Variants in PAM16 observed in about 807,000 individuals in gnomAD.
PAM16 encodes the protein presequence translocase associated motor 16.
A neutral mutation model predicts 17.9 loss-of-function variants in PAM16; 11 were observed. The ratio of observed to expected loss-of-function variants is 0.62; its 90% CI spans 0.39 to 1.02. PAM16 has a LOEUF of 1.02. Ranked by LOEUF, PAM16 falls within the 50% of genes least tolerant of loss-of-function variation. PAM16 has a pLI of 0.01. For missense variants in PAM16, 199 were observed against 165.4 expected (o/e 1.20, Z -1.11); for synonymous variants, 72 against 67.4 (o/e 1.07, Z -0.34).
intron 2 of PAM16, among the ~76,000 whole-genome samples, chr16:4,341,895 C>G (rs1001275558): frequency 1.2e-4 from 19 of 152,178 alleles, no homozygotes; most frequent in African/African-American, 4.3e-4. Flanking sequence ...CCACCTGTCA[C>G]CTAGACCACC....
At position 4,341,402 on chromosome 16, in the gene PAM16, T is replaced by G. The variant is rs770957436; in HGVS notation, c.191A>C (p.Asn64Thr). ...CTCCTCAGGGCTCAGCTTGGACACG[T>G]TGAGAATCTGCTGTGCCTCCTGGAG... ...LSLQEAQQIL[N>T]VSKLSPEEVQ... Residue 64 changes from asparagine to threonine, a missense_variant, in exon 3 of 5, where the codon AAC becomes ACC. Physicochemically the swap from Asn to Thr is moderately conservative, Grantham distance 65. Transcript: ENST00000318059. 1.3e-6 allele frequency: 2 copies of G among 1,596,124 alleles called. No homozygotes were observed. Among genetic ancestry groups the G allele is most frequent in the Non-Finnish European group, 1.7e-6 (2 of 1,171,958 alleles).
rs1302944879 is a variant in PAM16 at position 4,341,520 on chromosome 16, G to A, written c.89-16C>T. 1.2e-6 allele frequency: 2 copies of A among 1,601,852 alleles called. No homozygotes were observed. Among genetic ancestry groups the A allele is most frequent in the Admixed American group, 3.4e-5 (2 of 59,286 alleles). On this transcript the variant is annotated splice_polypyrimidine_tract_variant and intron_variant, in intron 2 of 4. Coordinates refer to ENST00000318059, the MANE Select transcript of PAM16 (RefSeq NM_016069.11). ...GCCCGGCTGGCTGTGTGGACATGTG[G>A]GTGATCGCTCAGTCCTCAGCAGCCC... is the stretch of plus-strand genomic sequence containing the variant.
At chr16:4,344,128 A>T (rs2053695394) in intron 1 of PAM16, 3 of 395,166 alleles carry the variant, frequency 7.6e-6, no homozygotes, top group Non-Finnish European at 1.3e-5. Flanking sequence ...ACTCACTAAG[A>T]TGTGAGCGGA....
At chr16:4,343,621 G>C in intron 1 of PAM16, 2 of 1,321,710 alleles carry the variant, frequency 1.5e-6, no homozygotes, top group Non-Finnish European at 2.0e-6. Context: ...TGTGGTCTGG[G>C]AGCCAGAACA....
chr16:4,343,363 C>G, intron 1 of PAM16, 72 bp from the exon 2 acceptor site: 1 of 1,536,758 alleles, frequency 6.5e-7, no homozygotes, highest in Non-Finnish European at 8.8e-7. Context: ...CTGGAAACGG[C>G]TGCCGAGGGG....
intron 1 of PAM16, among the ~76,000 whole-genome samples, chr16:4,349,998 T>C (rs1041009350): frequency 1.1e-4 from 16 of 152,114 alleles, no homozygotes; most frequent in African/African-American, 3.9e-4. Context: ...TGTTACATTA[T>C]CCTTATTACT....
chr16:4,342,964 A>G (rs958600671), intron 2 of PAM16, among the ~76,000 whole-genome samples: 1 of 152,226 alleles, frequency 6.6e-6, no homozygotes, highest in African/African-American at 2.4e-5. Flanking sequence ...TCTCCAAAAA[A>G]AGAAAAAACA....
chr16:4,351,277 C>A lies in PAM16; in HGVS notation c.-43G>T. On this transcript the variant is annotated 5_prime_UTR_variant, in exon 1 of 5. Coordinates refer to ENST00000318059, the MANE Select transcript of PAM16 (RefSeq NM_016069.11). ...CGGGGCTCAAACTCCGACTTCCTGG[C>A]CCCGCGGCCGGGGATCAAGCGTGGT... 6.9e-7 allele frequency: 1 copy of A among 1,450,152 alleles called. No individual in the cohort carries two copies. The highest frequency in any genetic ancestry group is 1.5e-5 in the South Asian group (1 of 68,128). 89.8% of individuals were successfully genotyped at this position (1,450,152 alleles called of 1,614,324 possible). A position where few individuals can be genotyped will look rare whatever the true frequency, so the allele number is the denominator to read the frequency against.
chr16:4,350,220 T>C (rs1045879437), intron 1 of PAM16, among the ~76,000 whole-genome samples: 1 of 151,714 alleles, frequency 6.6e-6, no homozygotes, highest in African/African-American at 2.4e-5. Context: ...GTTCAAGCGA[T>C]ACTGGCGCCT....
chr16:4,343,346 A>T, intron 1 of PAM16, 55 bp from the exon 2 acceptor site: 1 of 1,552,878 alleles, frequency 6.4e-7, no homozygotes, highest in South Asian at 1.2e-5. Flanking sequence ...GCCCACAGAG[A>T]TGGGCCCTGG....
chr16:4,345,012 G>T (rs1420035582), intron 1 of PAM16, among the ~76,000 whole-genome samples: 1 of 152,060 alleles, frequency 6.6e-6, no homozygotes, highest in Non-Finnish European at 1.5e-5. Flanking sequence ...GCCTAGGCTG[G>T]CCTGGGAAAG....
intron 1 of PAM16, among the ~76,000 whole-genome samples, chr16:4,348,839 TAC>T (rs1467292159): frequency 6.6e-6 from 1 of 151,368 alleles, no homozygotes; most frequent in East Asian, 1.9e-4. Flanking sequence ...GTATTTTTAG[TAC>T]AGAGAGGGTT....
intron 4 of PAM16, 24 bp from the exon 5 acceptor site, chr16:4,340,429 C>A (rs1295127095): frequency 6.2e-7 from 1 of 1,606,332 alleles, no homozygotes; most frequent in South Asian, 1.1e-5. Flanking sequence ...GATAATCAGG[C>A]CGGGAGGCCA....
intron 1 of PAM16, among the ~76,000 whole-genome samples, chr16:4,349,609 A>T (rs1482012745): frequency 2.6e-5 from 4 of 151,994 alleles, no homozygotes; most frequent in Admixed American, 2.0e-4. Flanking sequence ...TCTACATAAA[A>T]TTTAAAAATT....
Position 4,351,223 on chromosome 16 carries a change from G to C in PAM16, c.3+9C>G. On this transcript the variant is annotated intron_variant, in intron 1 of 4. Coordinates refer to ENST00000318059, the MANE Select transcript of PAM16 (RefSeq NM_016069.11). ...TCCCCTCCCCGGTAGCGCCCGACTC[G>C]GGGCTCACCATGGCAGCCGCTCTGC... The C allele has an allele frequency of 1.4e-6, 2 of 1,439,828 alleles. No homozygotes were observed. Among genetic ancestry groups the C allele is most frequent in the South Asian group, 1.5e-5 (1 of 64,804 alleles). 89.2% of individuals were successfully genotyped at this position (1,439,828 alleles called of 1,614,324 possible). A position where few individuals can be genotyped will look rare whatever the true frequency, so the allele number is the denominator to read the frequency against.
chr16:4,347,085 C>CT (rs1555466698), intron 1 of PAM16: 1 of 152,232 alleles, frequency 6.6e-6, no homozygotes, highest in Non-Finnish European at 1.5e-5. Flanking sequence ...TCATGGCTCA[C>CT]TTGCAGCCTC....
chr16:4,344,289 T>TCCGTGAGAGGAGGGGA (rs2053702921), intron 1 of PAM16, among the ~76,000 whole-genome samples: 1 of 914 alleles, frequency 1.1e-3, no homozygotes, highest in Non-Finnish European at 2.1e-3. Flanking sequence ...AGGAGGGGGT[T>TCCGTGAGAGGAGGGGA]CTGTGTGAGA....
chr16:4,350,223 T>C (rs1198129167), intron 1 of PAM16, among the ~76,000 whole-genome samples: 1 of 151,610 alleles, frequency 6.6e-6, no homozygotes, highest in African/African-American at 2.4e-5. Flanking sequence ...CAAGCGATAC[T>C]GGCGCCTCAA....
chr16:4,340,875 A>AG lies in PAM16; in HGVS notation c.291+44dup, dbSNP rs1567228571. ...AGGAATTGAGCCCCAGGTGAGAAGA[A>AG]GGGGTCCCATGACTTCATTCCTCCC... On this transcript the variant is annotated intron_variant, in intron 4 of 4. Coordinates refer to ENST00000318059, the MANE Select transcript of PAM16 (RefSeq NM_016069.11). 3.7e-6 allele frequency: 6 copies of AG among 1,609,290 alleles called. No individual in the cohort carries two copies. In the Admixed American group the frequency reaches 1.0e-4, roughly 27 times the overall value.
Sources: allele counts gnomAD v4.1 joint callset (sites outside exome capture counted in the v4.1 genomes callset), GRCh38; gene constraint gnomAD v4.1.1; transcripts MANE v1.5; gene names NCBI Gene and HGNC (gene_info 2026-07-23, HGNC 2026-07-21).